GLE1: variants seen among roughly 807,000 people sequenced by gnomAD.
The protein encoded by GLE1 is GLE1 RNA export mediator.
A neutral mutation model predicts 97.3 loss-of-function variants in GLE1; 78 were observed. The ratio of observed to expected loss-of-function variants is 0.80; its 90% CI spans 0.67 to 0.97. The LOEUF is 0.97. GLE1 is among the 50% of genes least tolerant of loss of function. The pLI, the probability that GLE1 is intolerant of heterozygous loss-of-function variation, is 0.00. For synonymous variants in GLE1, 302 were observed against 313.4 expected, an observed-to-expected ratio of 0.96 and a Z score of 0.39; for missense variants, 753 against 857.5, an observed-to-expected ratio of 0.88 and a Z score of 1.52.
intron 7 of GLE1, 25 bp from the exon 8 acceptor site, chr9:128,527,154 C>G (rs748710259): frequency 1.6e-6 from 2 of 1,281,464 alleles, no homozygotes; most frequent in Non-Finnish European, 2.3e-6. Context: ...CTAGCTATTA[C>G]TAAAACCTCT....
At chr9:128,514,717 G>A (rs7866135) in intron 2 of GLE1, among the ~76,000 whole-genome samples, 101,689 of 151,942 alleles carry the variant, frequency 0.67, 35,741 homozygotes, top group Non-Finnish European at 0.79. Flanking sequence ...TCTTGTGTAT[G>A]TTTAGTAGAG....
At chr9:128,517,305 A>G (rs908231260) in intron 3 of GLE1, among the ~76,000 whole-genome samples, 2 of 152,114 alleles carry the variant, frequency 1.3e-5, no homozygotes, top group Non-Finnish European at 2.9e-5. Flanking sequence ...AAAAAAAGAA[A>G]AAGAAAATGA....
intron 11 of GLE1, 37 bp downstream of exon 11, chr9:128,533,988 G>A: frequency 7.9e-7 from 1 of 1,263,992 alleles, no homozygotes; most frequent in Non-Finnish European, 1.2e-6. Context: ...TATCCCTAGA[G>A]TGATTAATGA....
At chr9:128,520,047 C>A (rs140737866) in intron 3 of GLE1, among the ~76,000 whole-genome samples, 1 of 152,048 alleles carries the variant, frequency 6.6e-6, no homozygotes, top group East Asian at 1.9e-4. Context: ...GTCAAGAGAT[C>A]GAGACCATCC....
chr9:128,532,548 A>G (rs933044065), intron 9 of GLE1: 4 of 162,966 alleles, frequency 2.5e-5, no homozygotes, highest in Non-Finnish European at 5.1e-5. Context: ...AGATAAAGAA[A>G]TATCCTACAG....
chr9:128,539,150 C>A (rs1234346513), intron 13 of GLE1, among the ~76,000 whole-genome samples: 1 of 152,084 alleles, frequency 6.6e-6, no homozygotes, highest in Non-Finnish European at 1.5e-5. Context: ...GGAGGATCAC[C>A]TGAGCCCAGG....
Position 128,541,552 on chromosome 9 carries a change from C to G in GLE1, c.*382C>G, listed in dbSNP as rs1469243432. On this transcript the variant is annotated 3_prime_UTR_variant, in exon 16 of 16. Coordinates refer to ENST00000309971, the MANE Select transcript of GLE1 (RefSeq NM_001003722.2). The stretch of plus-strand genomic sequence containing the variant: ...CCACCATTTGCACCCACCTACCCAC[C>G]CTCACCCCTGTTCAGATGAATTTCC... The G allele has an allele frequency of 7.4e-6, 2 of 268,754 alleles. No homozygotes were observed. Among genetic ancestry groups the G allele is most frequent in the Non-Finnish European group, 7.2e-6 (1 of 138,362 alleles). The allele number at this position is 268,754 out of a possible 1,614,324, so 16.6% of individuals were successfully genotyped here. A position where few individuals can be genotyped will look rare whatever the true frequency, so the allele number is the denominator to read the frequency against.
chr9:128,521,276 A>G (rs1266236027), intron 3 of GLE1, among the ~76,000 whole-genome samples: 1 of 152,182 alleles, frequency 6.6e-6, no homozygotes, highest in Non-Finnish European at 1.5e-5. Context: ...GCTTATGCCT[A>G]TAATCCCAGC....
chr9:128,540,480 C>T lies in GLE1; in HGVS notation c.2028+142C>T, dbSNP rs572730758. The T allele has an allele frequency of 2.4e-3, 1,657 of 696,922 alleles. 1 individual carries two copies. Among genetic ancestry groups the T allele is most frequent in the Non-Finnish European group, 3.2e-3 (1,212 of 379,046 alleles). The allele number at this position is 696,922 out of a possible 1,614,324, so 43.2% of individuals were successfully genotyped here. On this transcript the variant is annotated intron_variant, in intron 15 of 15. Transcript: ENST00000309971. Reference sequence around the variant, plus strand: ...AACCCTTCTTTTTGTTCCTAATTCCCTCTTAACCTTTGGAGTAAGGGCTGC... The same window carrying T: ...AACCCTTCTTTTTGTTCCTAATTCCTTCTTAACCTTTGGAGTAAGGGCTGC...
intron 2 of GLE1, among the ~76,000 whole-genome samples, chr9:128,511,818 T>C (rs1027629082): frequency 2.6e-5 from 4 of 152,172 alleles, no homozygotes; most frequent in Admixed American, 6.5e-5. Context: ...TTTATTTCTT[T>C]ATTTATTTTT....
chr9:128,541,098 C>A lies in GLE1; in HGVS notation c.2029-4C>A, dbSNP rs746024903. 1 of 1,527,644 alleles carries A rather than the reference C, an allele frequency of 6.5e-7. No homozygotes were observed. The highest frequency in any genetic ancestry group is 9.1e-7 in the Non-Finnish European group (1 of 1,101,154). 94.6% of individuals were successfully genotyped at this position (1,527,644 alleles called of 1,614,324 possible). A position where few individuals can be genotyped will look rare whatever the true frequency, so the allele number is the denominator to read the frequency against. On this transcript the variant is annotated splice_polypyrimidine_tract_variant and splice_region_variant and intron_variant, in intron 15 of 15. Coordinates refer to ENST00000309971, the MANE Select transcript of GLE1 (RefSeq NM_001003722.2). ...TTCTGTTTTCTTCATCTTTCCCTGA[C>A]CAGAAATGTTTGCAACACAAGGACA...
chr9:128,540,319 G>A lies in GLE1; in HGVS notation c.2009G>A (p.Arg670His), dbSNP rs201163437. Residue 670 changes from arginine (R) to histidine (H), a missense_variant, in exon 15 of 16, where the codon CGC becomes CAC. Coordinates refer to ENST00000309971, the MANE Select transcript of GLE1 (RefSeq NM_001003722.2). ...TCAGGACAGATGGGCTCCTTCATAC[G>A]CCTCAAGCAGTTCTTGGAGGTAAGA... ...TSSGQMGSFIRLKQFLEKCLQ... is the reference protein window; with the variant it reads ...TSSGQMGSFIHLKQFLEKCLQ... 52 of 1,608,588 alleles carry A rather than the reference G, an allele frequency of 3.2e-5. No individual in the cohort carries two copies. In the Middle Eastern group the frequency reaches 4.9e-4, roughly 15 times the overall value.
At position 128,522,823 on chromosome 9, in the gene GLE1, C is replaced by T. The variant is rs573569417; in HGVS notation, c.581+7C>T. ...GGGAAGTAATGGAGAAGAGGTGAGT[C>T]TCCCTGAATTATGACTGGGAATGTT... On this transcript the variant is annotated splice_region_variant and intron_variant, in intron 4 of 15. Transcript: ENST00000309971. The T allele has an allele frequency of 2.5e-6, 4 of 1,613,684 alleles. No individual in the cohort carries two copies. The highest frequency in any genetic ancestry group is 1.7e-5 in the Admixed American group (1 of 59,996).
chr9:128,539,759 C>A, intron 14 of GLE1, 61 bp downstream of exon 14: 1 of 1,613,152 alleles, frequency 6.2e-7, no homozygotes, highest in South Asian at 1.1e-5. Context: ...GCCTCAGATA[C>A]CCAAGGGTGC....
chr9:128,519,380 G>T (rs376061273), intron 3 of GLE1, among the ~76,000 whole-genome samples: 43 of 152,302 alleles, frequency 2.8e-4, no homozygotes, highest in Admixed American at 7.2e-4. Flanking sequence ...CTTTTTCTCA[G>T]CAAGGAACAT....
chr9:128,510,690 G>A (rs370694012), intron 2 of GLE1, among the ~76,000 whole-genome samples: 4 of 150,666 alleles, frequency 2.7e-5, no homozygotes, highest in East Asian at 4.0e-4. Context: ...CACCATGCCT[G>A]GCTAATTTTT....
At chr9:128,525,770 A>T (rs1186275199) in intron 7 of GLE1, among the ~76,000 whole-genome samples, 1 of 152,024 alleles carries the variant, frequency 6.6e-6, no homozygotes, top group East Asian at 1.9e-4. Flanking sequence ...TACCAAAAAT[A>T]AAAAAATTAG....
Position 128,523,635 on chromosome 9 carries a change from A to G in GLE1, c.686A>G (p.Lys229Arg). 2 of 1,614,172 alleles carry G rather than the reference A, an allele frequency of 1.2e-6. No individual in the cohort carries two copies. The highest frequency in any genetic ancestry group is 1.7e-6 in the Non-Finnish European group (2 of 1,180,032). The change falls in exon 6 of 16, where the codon AAG becomes AGG. Residue 229 changes from lysine to arginine, a missense_variant. Physicochemically the swap from Lys to Arg is conservative, Grantham distance 26. Transcript: ENST00000309971. ...KLREAEQQRV[K>R]QAEQERLRKE... ...CGGGAAGCAGAGCAGCAGCGCGTGA[A>G]GCAAGCAGAACAGGAGCGGCTTCGG...
intron 1 of GLE1, among the ~76,000 whole-genome samples, chr9:128,506,395 A>C (rs7034270): frequency 0.025 from 3,732 of 152,300 alleles, 157 homozygotes; most frequent in African/African-American, 0.085. Context: ...TGTATTCATA[A>C]GAATTAAAAA....
Sources: gnomAD v4.1 joint callset for allele counts (sites outside exome capture counted in the v4.1 genomes callset) on GRCh38, gnomAD v4.1.1 for gene constraint, MANE v1.5 for transcripts, NCBI Gene and HGNC (gene_info 2026-07-23, HGNC 2026-07-21) for gene names.